ATP9B: variants seen among roughly 807,000 people sequenced by gnomAD.
ATP9B encodes the protein ATPase phospholipid transporting 9B, also known as probable phospholipid-transporting ATPase IIB.
Under a neutral mutation model 146.1 loss-of-function variants are expected in ATP9B, and 110 were observed. The observed-to-expected ratio is 0.75, with a 90% CI of 0.65 to 0.88. The LOEUF is 0.88. ATP9B is among the 40% of genes least tolerant of loss of function. ATP9B has a pLI of 0.00. For missense variants in ATP9B, 1,499 were observed against 1,496.4 expected (o/e 1.00, Z -0.03); for synonymous variants, 604 against 569.7 (o/e 1.06, Z -0.86).
At chr18:79,315,629 A>G (rs1463473337) in intron 15 of ATP9B, among the ~76,000 whole-genome samples, 1 of 152,242 alleles carries the variant, frequency 6.6e-6, no homozygotes, top group Non-Finnish European at 1.5e-5. Flanking sequence ...GCTTTTAAGA[A>G]CAGTAGCACA....
chr18:79,269,212 G>A (rs1450598891), intron 12 of ATP9B, among the ~76,000 whole-genome samples: 2 of 151,988 alleles, frequency 1.3e-5, no homozygotes, highest in Admixed American at 6.6e-5. Context: ...GTGTCCCCAC[G>A]CGGGACATGA....
At chr18:79,238,877 C>T (rs202196639) in intron 11 of ATP9B, among the ~76,000 whole-genome samples, 2 of 149,710 alleles carry the variant, frequency 1.3e-5, no homozygotes, top group African/African-American at 4.8e-5. Flanking sequence ...GATGCAGTGA[C>T]GCAGACGCAC....
At chr18:79,231,042 A>G (rs2095786579) in intron 11 of ATP9B, among the ~76,000 whole-genome samples, 1 of 152,360 alleles carries the variant, frequency 6.6e-6, no homozygotes, top group Non-Finnish European at 1.5e-5. Flanking sequence ...CTGAAACCAT[A>G]CAAATTCTAG....
At chr18:79,307,415 TG>T in intron 15 of ATP9B, 181 bp downstream of exon 15, 1 of 904,742 alleles carries the variant, frequency 1.1e-6, no homozygotes, top group Non-Finnish European at 1.6e-6. Context: ...TGACGTAGCC[TG>T]GGCCTTGCAC....
rs145367292 is a variant in ATP9B, at chr18:79,339,449, A to G, written c.2283+2000A>G. Among the ~76,000 whole-genome samples the G allele has an allele frequency of 2.4e-3, 363 of 151,590 alleles. 1 individual carries two copies. The highest frequency in any genetic ancestry group is 6.3e-3 in the South Asian group (30 of 4,784). Reference sequence around the variant, plus strand: ...TAGGAAGTATGTCATCGCAGTAGGAAGTATGTCATGATCACAGTAGGAAGT... The same window carrying G: ...TAGGAAGTATGTCATCGCAGTAGGAGGTATGTCATGATCACAGTAGGAAGT... On this transcript the variant is annotated intron_variant, in intron 19 of 29. Transcript: ENST00000426216.
chr18:79,200,761 A>C (rs1568388821), intron 9 of ATP9B, among the ~76,000 whole-genome samples: 6 of 152,354 alleles, frequency 3.9e-5, no homozygotes, highest in East Asian at 1.9e-4. Context: ...GGAGGTGGGA[A>C]CGTTGGGGTC....
chr18:79,101,825 T>G (rs542852713), intron 2 of ATP9B, among the ~76,000 whole-genome samples: 1 of 152,242 alleles, frequency 6.6e-6, no homozygotes, highest in Non-Finnish European at 1.5e-5. Context: ...ATCTTTAATT[T>G]CTACTTGTGT....
chr18:79,305,149 G>T (rs555731795), intron 14 of ATP9B, among the ~76,000 whole-genome samples: 1 of 152,320 alleles, frequency 6.6e-6, no homozygotes, highest in Admixed American at 6.5e-5. Context: ...TGGAGTCTAG[G>T]AGACTTTTTG....
chr18:79,322,021 C>T (rs1568677928), intron 15 of ATP9B, among the ~76,000 whole-genome samples: 1 of 152,178 alleles, frequency 6.6e-6, no homozygotes, highest in African/African-American at 2.4e-5. Context: ...AGAGCTACAC[C>T]CTCACTTCCC....
chr18:79,070,126 T>C (rs2071549932), intron 1 of ATP9B, among the ~76,000 whole-genome samples: 1 of 152,174 alleles, frequency 6.6e-6, no homozygotes, highest in African/African-American at 2.4e-5. Context: ...AGCAGTAGAA[T>C]TAGTGTACAG....
intron 5 of ATP9B, among the ~76,000 whole-genome samples, chr18:79,128,376 G>C (rs1235587342): frequency 6.6e-6 from 1 of 152,058 alleles, no homozygotes; most frequent in African/African-American, 2.4e-5. Flanking sequence ...TTTTTAACTG[G>C]GTTGTTTGAT....
At chr18:79,311,729 T>C (rs1207904181) in intron 15 of ATP9B, among the ~76,000 whole-genome samples, 1 of 152,162 alleles carries the variant, frequency 6.6e-6, no homozygotes, top group African/African-American at 2.4e-5. Context: ...CATGGATCAC[T>C]CATCTCCCCT....
At chr18:79,198,537 C>A (rs1025757949) in intron 9 of ATP9B, among the ~76,000 whole-genome samples, 2 of 152,138 alleles carry the variant, frequency 1.3e-5, no homozygotes, top group African/African-American at 4.8e-5. Context: ...ATTGTGCAAA[C>A]ATGATGGAGT....
intron 8 of ATP9B, among the ~76,000 whole-genome samples, chr18:79,184,478 C>G (rs2095285487): frequency 6.6e-6 from 1 of 152,108 alleles, no homozygotes; most frequent in African/African-American, 2.4e-5. Context: ...CGCTCTGCTT[C>G]CCAGGGTTTT....
intron 3 of ATP9B, among the ~76,000 whole-genome samples, chr18:79,112,106 A>G (rs1366150706): frequency 1.3e-5 from 2 of 152,246 alleles, no homozygotes; most frequent in African/African-American, 4.8e-5. Context: ...TGAGTCCCAC[A>G]CATTGCCGTA....
intron 15 of ATP9B, among the ~76,000 whole-genome samples, chr18:79,314,921 G>A (rs1388788147): frequency 1.3e-5 from 2 of 152,248 alleles, no homozygotes; most frequent in East Asian, 3.8e-4. Flanking sequence ...GTCAGCTCAA[G>A]CGCTGAAGGC....
At chr18:79,183,340 A>C (rs1186621537) in intron 8 of ATP9B, among the ~76,000 whole-genome samples, 1 of 152,222 alleles carries the variant, frequency 6.6e-6, no homozygotes, top group East Asian at 1.9e-4. Context: ...AGACTATGCA[A>C]CTTATCTACT....
intron 13 of ATP9B, among the ~76,000 whole-genome samples, chr18:79,287,455 G>A (rs1480461056): frequency 6.6e-5 from 10 of 152,060 alleles, no homozygotes; most frequent in African/African-American, 1.2e-4. Flanking sequence ...CTGTGAGATC[G>A]GTGGTGATAT....
At chr18:79,167,620 C>G (rs940159622) in intron 7 of ATP9B, among the ~76,000 whole-genome samples, 1 of 152,114 alleles carries the variant, frequency 6.6e-6, no homozygotes, top group Non-Finnish European at 1.5e-5. Context: ...GTGAGTCTGG[C>G]CGAAACTCGC....
Sources: allele counts gnomAD v4.1 joint callset (sites outside exome capture counted in the v4.1 genomes callset), GRCh38; gene constraint gnomAD v4.1.1; transcripts MANE v1.5; gene names NCBI Gene and HGNC (gene_info 2026-07-23, HGNC 2026-07-21).